The following KLHDC1 variants were observed in gnomAD, a reference collection of about 807,000 sequenced individuals.
The protein encoded by KLHDC1 is kelch domain-containing protein 1.
Under a neutral mutation model 68.3 loss-of-function variants are expected in KLHDC1, and 53 were observed. The observed-to-expected ratio is 0.78, with a 90% CI of 0.62 to 0.98. The LOEUF is 0.98. Among genes scored for constraint, KLHDC1 ranks in the 50% least tolerant of loss-of-function variants. KLHDC1 has a pLI of 0.00. For missense variants in KLHDC1, 470 were observed against 492.3 expected (o/e 0.95, Z 0.43); for synonymous variants, 148 against 159.0 (o/e 0.93, Z 0.52).
At chr14:49,708,897 T>C (rs1888127552) in intron 1 of KLHDC1, 1 of 218,536 alleles carries the variant, frequency 4.6e-6, no homozygotes, top group South Asian at 1.3e-4. Context: ...AAGCCCCTTT[T>C]AAAGGTTTAA....
At position 49,727,116 on chromosome 14, in the gene KLHDC1, C is replaced by T. The variant is rs532408481; in HGVS notation, c.567+1347C>T. ...AAAGGAAATTAGCTGGGCGTGGCGG[C>T]ATGCGCCTGTAGTCCCAGCTACTCG... On this transcript the variant is annotated intron_variant, in intron 6 of 12. Coordinates refer to ENST00000359332, the MANE Select transcript of KLHDC1 (RefSeq NM_172193.3). Among the ~76,000 whole-genome samples the T allele has an allele frequency of 3.1e-4, 47 of 152,200 alleles. No individual in the cohort carries two copies. In the East Asian group the frequency reaches 8.9e-3, roughly 29 times the overall value.
At chr14:49,695,373 T>C (rs753376070) in intron 1 of KLHDC1, among the ~76,000 whole-genome samples, 14 of 152,152 alleles carry the variant, frequency 9.2e-5, no homozygotes, top group South Asian at 2.1e-4. Context: ...AGAATGGATA[T>C]TGTGTAGCAG....
rs544505001 is a variant in KLHDC1 at position 49,700,030 on chromosome 14, C to CTTTTT, written c.96+6753_96+6757dup. On this transcript the variant is annotated intron_variant, in intron 1 of 12. Transcript: ENST00000359332. ...ATTGATAATATGTTTTGCTGTGAAC[C>CTTTTT]TTTTTTTTTTTTTTTTTAGATGGAG... 2.9e-5 allele frequency: 9 copies of CTTTTT among 309,698 alleles called. No individual in the cohort carries two copies. In the East Asian group the frequency reaches 1.1e-3, roughly 38 times the overall value. 19.2% of individuals were successfully genotyped at this position (309,698 alleles called of 1,614,324 possible).
intron 4 of KLHDC1, among the ~76,000 whole-genome samples, chr14:49,722,800 C>G (rs1417286665): frequency 1.3e-5 from 2 of 150,828 alleles, no homozygotes; most frequent in African/African-American, 4.9e-5. Flanking sequence ...TGAAAACCAT[C>G]ATATCAGCGG....
At chr14:49,724,462 C>G (rs536913494) in intron 5 of KLHDC1, among the ~76,000 whole-genome samples, 1 of 151,452 alleles carries the variant, frequency 6.6e-6, no homozygotes, top group South Asian at 2.1e-4. Flanking sequence ...TTTAAAAAAC[C>G]ATTGATCCTA....
chr14:49,701,937 G>C (rs1887918927), intron 1 of KLHDC1, among the ~76,000 whole-genome samples: 1 of 152,090 alleles, frequency 6.6e-6, no homozygotes, highest in Non-Finnish European at 1.5e-5. Context: ...GGGAGGCCGA[G>C]GCGGGCAGAT....
chr14:49,745,008 A>G (rs1566621203), intron 12 of KLHDC1, among the ~76,000 whole-genome samples: 1 of 152,174 alleles, frequency 6.6e-6, no homozygotes, highest in Non-Finnish European at 1.5e-5. Context: ...CCCTATTTCT[A>G]CCTGTGAGAG....
chr14:49,746,152 A>G (rs1430834401), intron 12 of KLHDC1, among the ~76,000 whole-genome samples: 1 of 152,142 alleles, frequency 6.6e-6, no homozygotes, highest in African/African-American at 2.4e-5. Flanking sequence ...TAGGAGGAAT[A>G]TGGAGAAAGG....
At chr14:49,744,060 G>A (rs1030119009) in intron 12 of KLHDC1, among the ~76,000 whole-genome samples, 4 of 151,954 alleles carry the variant, frequency 2.6e-5, no homozygotes, top group South Asian at 2.1e-4. Context: ...AAAGCAGGAG[G>A]ATCACTTGAG....
chr14:49,711,240 C>T (rs752728495), intron 4 of KLHDC1, among the ~76,000 whole-genome samples: 1 of 151,740 alleles, frequency 6.6e-6, no homozygotes, highest in Non-Finnish European at 1.5e-5. Flanking sequence ...CTCGCTCTGT[C>T]GCCTAGGCTG....
At chr14:49,732,254 C>T (rs149125909) in intron 8 of KLHDC1, among the ~76,000 whole-genome samples, 1 of 152,040 alleles carries the variant, frequency 6.6e-6, no homozygotes, top group Non-Finnish European at 1.5e-5. Flanking sequence ...CTCACTGCAA[C>T]CTCCACCTCC....
intron 11 of KLHDC1, among the ~76,000 whole-genome samples, chr14:49,740,832 G>A (rs1259482982): frequency 2.6e-5 from 4 of 151,904 alleles, no homozygotes; most frequent in Non-Finnish European, 5.9e-5. Flanking sequence ...AGTTGCCCAC[G>A]CCTCTAAATC....
Position 49,709,754 on chromosome 14 carries a change from A to T in KLHDC1, c.213A>T (p.Gly71=). The change falls in exon 3 of 13, where the codon GGA becomes GGT. Residue 71 remains glycine (G), a synonymous_variant. Coordinates refer to ENST00000359332, the MANE Select transcript of KLHDC1 (RefSeq NM_172193.3). ...MEGELPASMS[G]SCGACINGKL... ...GAGAACTCCCAGCCTCCATGTCAGG[A>T]AGCTGTGGTGCTTGCATTAATGGAA... 6.2e-7 allele frequency: 1 copy of T among 1,604,998 alleles called. No individual in the cohort carries two copies. Among genetic ancestry groups the T allele is most frequent in the Non-Finnish European group, 8.5e-7 (1 of 1,176,396 alleles).
intron 12 of KLHDC1, among the ~76,000 whole-genome samples, chr14:49,746,557 G>A (rs903181751): frequency 1.3e-5 from 2 of 151,980 alleles, no homozygotes; most frequent in Admixed American, 6.6e-5. Context: ...AAAGCACTGT[G>A]GATAGTACAT....
At chr14:49,732,497 G>A (rs1431671537) in intron 8 of KLHDC1, among the ~76,000 whole-genome samples, 1 of 152,020 alleles carries the variant, frequency 6.6e-6, no homozygotes, top group Non-Finnish European at 1.5e-5. Context: ...TTTTCACTGT[G>A]TAGCCAGGTG....
rs59444333 is a variant in KLHDC1, at chr14:49,705,365, C to CTTTTTTTTTTTTTTTTTTTTTTTTTTT, written c.97-3773_97-3772insTTTTTTTTTTTTTTTTTTTTTTTTTTT. On this transcript the variant is annotated intron_variant, in intron 1 of 12. Coordinates refer to ENST00000359332, the MANE Select transcript of KLHDC1 (RefSeq NM_172193.3). ...TCACTTTCATAATATTTCTTTCTTT[C>CTTTTTTTTTTTTTTTTTTTTTTTTTTT]TTTTTTTTTTTTTTTTTTTTTGAGA... Among the ~76,000 whole-genome samples, 3 of 71,672 alleles carry CTTTTTTTTTTTTTTTTTTTTTTTTTTT rather than the reference C, an allele frequency of 4.2e-5. 1 individual carries two copies. Among genetic ancestry groups the CTTTTTTTTTTTTTTTTTTTTTTTTTTT allele is most frequent in the African/African-American group, 5.5e-5 (1 of 18,332 alleles). The allele number at this position is 71,672 out of a possible 152,430, so 47.0% of individuals were successfully genotyped here. A position where few individuals can be genotyped will look rare whatever the true frequency, so the allele number is the denominator to read the frequency against.
Position 49,709,188 on chromosome 14 carries a change from TA to T in KLHDC1, c.128del (p.Asn43MetfsTer94). 7.2e-7 allele frequency: 1 copy of T among 1,385,960 alleles called. No homozygotes were observed. Among genetic ancestry groups the T allele is most frequent in the Non-Finnish European group, 1.0e-6 (1 of 988,432 alleles). 85.9% of individuals were successfully genotyped at this position (1,385,960 alleles called of 1,614,324 possible). On this transcript the variant is annotated frameshift_variant, in exon 2 of 13. Coordinates refer to ENST00000359332, the MANE Select transcript of KLHDC1 (RefSeq NM_172193.3). LOFTEE classifies it high-confidence loss of function. ...SIEDNEVYLP[N>X]DEIWTYDIDS... ...TTGAAGACAATGAAGTATATTTGCCTAATGATGAAATTTGGACCTATGATAT... is the reference window on the plus strand; with the variant it reads ...TTGAAGACAATGAAGTATATTTGCCTATGATGAAATTTGGACCTATGATAT...
intron 2 of KLHDC1, among the ~76,000 whole-genome samples, 187 bp from the exon 3 acceptor site, chr14:49,709,522 T>C (rs1171712014): frequency 1.3e-5 from 2 of 152,190 alleles, no homozygotes; most frequent in African/African-American, 4.8e-5. Flanking sequence ...ATTTTTTTTT[T>C]TTTCCTAGCA....
chr14:49,698,013 C>T (rs1053793230), intron 1 of KLHDC1, among the ~76,000 whole-genome samples: 1 of 152,002 alleles, frequency 6.6e-6, no homozygotes, highest in Non-Finnish European at 1.5e-5. Context: ...ATATTTCCAC[C>T]GTTTATTCTT....
Sources: gnomAD v4.1 joint callset for allele counts (sites outside exome capture counted in the v4.1 genomes callset) on GRCh38, gnomAD v4.1.1 for gene constraint, MANE v1.5 for transcripts, NCBI Gene and HGNC (gene_info 2026-07-23, HGNC 2026-07-21) for gene names.